The following ADAMTSL1 variants were observed in gnomAD, a reference collection of about 807,000 sequenced individuals.
ADAMTSL1 encodes the protein ADAMTS-like protein 1.
A neutral mutation model predicts 201.8 loss-of-function variants in ADAMTSL1; 126 were observed. The observed-to-expected ratio is 0.62, with a 90% CI of 0.54 to 0.72. The LOEUF is 0.72. ADAMTSL1 is among the 30% of genes least tolerant of loss of function. ADAMTSL1 has a pLI of 0.00. For synonymous variants in ADAMTSL1, 1,121 were observed against 903.4 expected, an observed-to-expected ratio of 1.24 and a Z score of -4.32; for missense variants, 2,679 against 2,277.8, an observed-to-expected ratio of 1.18 and a Z score of -3.59.
chr9:18,679,796 TTTTG>T (rs1043627395), intron 10 of ADAMTSL1, among the ~76,000 whole-genome samples: 19 of 151,744 alleles, frequency 1.3e-4, no homozygotes, highest in Admixed American at 1.2e-3. Flanking sequence ...AAGGAGAGTC[TTTTG>T]TTTACCTTGA....
rs146016613 is a variant in ADAMTSL1 at position 18,779,005 on chromosome 9, C to A, written c.3677+1099C>A. Among the ~76,000 whole-genome samples, 186 of 152,278 alleles carry A rather than the reference C, an allele frequency of 1.2e-3. 1 individual carries two copies. The highest frequency in any genetic ancestry group is 4.2e-3 in the African/African-American group (175 of 41,566). On this transcript the variant is annotated intron_variant, in intron 19 of 28. Transcript: ENST00000380548. ...CTAATAGTCTTCTCTGGCTTGCTAG[C>A]TTTTGGTAAGGAAGGAAAGAAGCCA...
intron 1 of ADAMTSL1, among the ~76,000 whole-genome samples, chr9:17,998,140 C>G (rs1251326710): frequency 6.6e-6 from 1 of 151,890 alleles, no homozygotes; most frequent in Non-Finnish European, 1.5e-5. Flanking sequence ...CCAATTTAAC[C>G]CAAAAAGTGG....
At chr9:18,310,790 C>G (rs150487754) in intron 2 of ADAMTSL1, among the ~76,000 whole-genome samples, 10,425 of 152,084 alleles carry the variant, frequency 0.069, 1,148 homozygotes, top group African/African-American at 0.24. Context: ...GTGGAAGGCA[C>G]TGTGGCAATT....
At chr9:18,427,698 G>C (rs2133387492) in intron 2 of ADAMTSL1, among the ~76,000 whole-genome samples, 1 of 152,218 alleles carries the variant, frequency 6.6e-6, no homozygotes, top group East Asian at 1.9e-4. Flanking sequence ...CCTGCCTTGA[G>C]GCTTGAAGCT....
At chr9:18,491,412 A>T (rs1822266565) in intron 1 of ADAMTSL1, among the ~76,000 whole-genome samples, 1 of 152,244 alleles carries the variant, frequency 6.6e-6, no homozygotes, top group Non-Finnish European at 1.5e-5. Context: ...AAGGAAAAAG[A>T]ACTCTTCTTG....
intron 1 of ADAMTSL1, among the ~76,000 whole-genome samples, chr9:18,133,759 T>G (rs899760982): frequency 4.6e-5 from 7 of 152,124 alleles, no homozygotes; most frequent in Non-Finnish European, 1.0e-4. Context: ...TGTATGTATA[T>G]ATTTACACAC....
chr9:18,841,917 T>G (rs961984044), intron 23 of ADAMTSL1, among the ~76,000 whole-genome samples: 2 of 152,090 alleles, frequency 1.3e-5, no homozygotes, highest in African/African-American at 4.8e-5. Context: ...GTCTATTTGA[T>G]TCTTCTCTCT....
intron 2 of ADAMTSL1, among the ~76,000 whole-genome samples, chr9:18,380,029 A>G (rs369814734): frequency 5.9e-5 from 9 of 152,242 alleles, no homozygotes; most frequent in Middle Eastern, 3.4e-3. Flanking sequence ...ATTGTTGACT[A>G]TTTGCCTACT....
At chr9:18,542,080 C>A (rs1820188789) in intron 3 of ADAMTSL1, among the ~76,000 whole-genome samples, 1 of 152,146 alleles carries the variant, frequency 6.6e-6, no homozygotes, top group Admixed American at 6.5e-5. Context: ...CAGGGAGGGA[C>A]TGAATAAGTT....
intron 1 of ADAMTSL1, among the ~76,000 whole-genome samples, chr9:18,090,655 G>T (rs1354572718): frequency 1.3e-5 from 2 of 152,150 alleles, no homozygotes; most frequent in Non-Finnish European, 2.9e-5. Flanking sequence ...ATGTGAAAAA[G>T]TTCTGGAGCT....
intron 1 of ADAMTSL1, among the ~76,000 whole-genome samples, chr9:18,011,694 C>G (rs1408067542): frequency 1.3e-5 from 2 of 152,018 alleles, no homozygotes; most frequent in African/African-American, 4.8e-5. Flanking sequence ...AAAGGAGTGT[C>G]AAATATCATG....
At chr9:18,403,628 GAATT>G in intron 2 of ADAMTSL1, among the ~76,000 whole-genome samples, 1 of 152,222 alleles carries the variant, frequency 6.6e-6, no homozygotes, top group Non-Finnish European at 1.5e-5. Flanking sequence ...ATAAATAAAT[GAATT>G]AATTAATAAT....
At chr9:18,849,296 C>T (rs754852) in intron 23 of ADAMTSL1, among the ~76,000 whole-genome samples, 2,010 of 152,246 alleles carry the variant, frequency 0.013, 37 homozygotes, top group African/African-American at 0.045. Flanking sequence ...TCCCACATAC[C>T]TCCACCCTTC....
chr9:18,526,288 C>T (rs747171533), intron 2 of ADAMTSL1, among the ~76,000 whole-genome samples: 3 of 152,154 alleles, frequency 2.0e-5, no homozygotes, highest in Non-Finnish European at 4.4e-5. Flanking sequence ...TTCCATTTGC[C>T]GCGTAGATCT....
intron 2 of ADAMTSL1, among the ~76,000 whole-genome samples, chr9:18,420,745 G>A (rs1819676): frequency 0.084 from 12,812 of 152,216 alleles, 970 homozygotes; most frequent in East Asian, 0.42. Flanking sequence ...CTGAATGAAT[G>A]GGGGAATGAA....
chr9:18,513,396 C>T (rs1225055356), intron 2 of ADAMTSL1, among the ~76,000 whole-genome samples: 1 of 152,168 alleles, frequency 6.6e-6, no homozygotes, highest in African/African-American at 2.4e-5. Context: ...AGTGGAATCA[C>T]GTAGTACTTA....
At chr9:18,175,814 T>C (rs1828121177) in intron 2 of ADAMTSL1, among the ~76,000 whole-genome samples, 1 of 151,948 alleles carries the variant, frequency 6.6e-6, no homozygotes, top group Non-Finnish European at 1.5e-5. Context: ...GCATGCCTCC[T>C]CAGGCTGCCT....
intron 26 of ADAMTSL1, among the ~76,000 whole-genome samples, chr9:18,904,390 A>C (rs940318087): frequency 2.6e-5 from 4 of 152,040 alleles, no homozygotes; most frequent in African/African-American, 9.7e-5. Flanking sequence ...AATCACTTGT[A>C]CCTGAGAGGC....
intron 2 of ADAMTSL1, among the ~76,000 whole-genome samples, chr9:18,200,272 A>T (rs76778974): frequency 6.9e-6 from 1 of 145,062 alleles, no homozygotes; most frequent in Admixed American, 6.9e-5. Flanking sequence ...TATCTCTATT[A>T]AAAAAAAAAA....
Sources: gnomAD v4.1 joint callset for allele counts (sites outside exome capture counted in the v4.1 genomes callset) on GRCh38, gnomAD v4.1.1 for gene constraint, MANE v1.5 for transcripts, NCBI Gene and HGNC (gene_info 2026-07-23, HGNC 2026-07-21) for gene names.